The following SPOCK1 variants were observed in gnomAD, a reference collection of about 807,000 sequenced individuals.
SPOCK1 encodes testican-1.
In SPOCK1, 23 loss-of-function variants were observed where a neutral mutation model predicts 55.3. That is an observed-to-expected ratio of 0.42 (90% CI 0.30 to 0.59). The LOEUF (loss-of-function observed/expected upper bound fraction) is 0.59, where lower values mean the gene tolerates loss of function less well. SPOCK1 is among the 20% of genes least tolerant of loss of function. The probability of loss-of-function intolerance (pLI) is 0.22; values close to 1 mark genes in which losing one functional copy is unlikely to be tolerated. For synonymous variants in SPOCK1, 226 were observed against 221.0 expected (o/e 1.02, Z -0.20); for missense variants, 499 against 552.5 (o/e 0.90, Z 0.97).
At chr5:137,012,478 A>G (rs771659949) in intron 6 of SPOCK1, among the ~76,000 whole-genome samples, 60 of 152,144 alleles carry the variant, frequency 3.9e-4, no homozygotes, top group Non-Finnish European at 7.8e-4. Context: ...ATTAATTCTC[A>G]CAACTCTTTG....
intron 3 of SPOCK1, among the ~76,000 whole-genome samples, chr5:137,210,839 A>T (rs1755597161): frequency 6.6e-6 from 1 of 152,214 alleles, no homozygotes; most frequent in Non-Finnish European, 1.5e-5. Context: ...AGATATCTAG[A>T]CCCAAAATTG....
chr5:137,246,243 C>T (rs1756393254), intron 3 of SPOCK1, among the ~76,000 whole-genome samples: 1 of 152,200 alleles, frequency 6.6e-6, no homozygotes, highest in Non-Finnish European at 1.5e-5. Context: ...TTAATTACCT[C>T]TGAGATTCAG....
At chr5:137,206,616 G>A (rs1325442127) in intron 3 of SPOCK1, among the ~76,000 whole-genome samples, 1 of 152,176 alleles carries the variant, frequency 6.6e-6, no homozygotes, top group African/African-American at 2.4e-5. Context: ...GCTCCTTAGG[G>A]CTCCTGTGAG....
Position 137,362,828 on chromosome 5 carries a change from G to A in SPOCK1, c.187-95773C>T, listed in dbSNP as rs556632566. Reference sequence around the variant, plus strand: ...GCCTGAGGGCCACAGTTTGCAACCCGTGGCTTAACATGGGCAGGCATTGTA... The same window carrying A: ...GCCTGAGGGCCACAGTTTGCAACCCATGGCTTAACATGGGCAGGCATTGTA... On this transcript the variant is annotated intron_variant, in intron 2 of 10. Transcript: ENST00000394945. Among the ~76,000 whole-genome samples the A allele has an allele frequency of 2.6e-4, 39 of 152,318 alleles. 2 individuals are homozygous for A. The highest frequency in any genetic ancestry group is 3.4e-3 in the Middle Eastern group (1 of 294).
chr5:137,049,393 A>G (rs1382313412), intron 6 of SPOCK1, among the ~76,000 whole-genome samples: 1 of 121,846 alleles, frequency 8.2e-6, no homozygotes, highest in Non-Finnish European at 1.7e-5. Context: ...CATTCATTTC[A>G]TCTTCCATTG....
intron 6 of SPOCK1, among the ~76,000 whole-genome samples, chr5:137,010,282 C>T (rs899691585): frequency 2.0e-5 from 3 of 152,010 alleles, no homozygotes; most frequent in East Asian, 1.9e-4. Context: ...TAAGTGAAAA[C>T]GCTGCTCCAA....
intron 2 of SPOCK1, among the ~76,000 whole-genome samples, chr5:137,406,362 C>A (rs1037384662): frequency 1.3e-5 from 2 of 152,306 alleles, no homozygotes; most frequent in East Asian, 3.9e-4. Context: ...AGCAGTAAGG[C>A]CAGGCAGGAG....
In SPOCK1 at chr5:136,992,487, C is replaced by T. The variant is rs1371768108; in HGVS notation, c.703G>A (p.Gly235Ser). 6.2e-7 allele frequency: 1 copy of T among 1,610,584 alleles called. No individual in the cohort carries two copies. The highest frequency in any genetic ancestry group is 8.5e-7 in the Non-Finnish European group (1 of 1,178,216). Residue 235 changes from glycine (G) to serine (S), a missense_variant, in exon 7 of 11, where the codon GGC (glycine) becomes AGC (serine). Gly to Ser is a moderately conservative substitution (Grantham distance 56). Coordinates refer to ENST00000394945, the MANE Select transcript of SPOCK1 (RefSeq NM_004598.4). ...GTGATATTTAAAATGGTCTTACTGC[C>T]TTGGGCTGTGTTGGAGCTGGTGGGC... Reference protein sequence around the residue: ...IKPTSSNTAQGRFDTSILPIC... With the variant: ...IKPTSSNTAQSRFDTSILPIC...
intron 2 of SPOCK1, among the ~76,000 whole-genome samples, chr5:137,449,886 C>CAA (rs562723108): frequency 3.8e-5 from 2 of 52,910 alleles, no homozygotes; most frequent in Non-Finnish European, 6.4e-5. Flanking sequence ...GATGCTGTCT[C>CAA]AAAAAAAAAA....
At chr5:137,268,346 C>G (rs1027899682) in intron 2 of SPOCK1, among the ~76,000 whole-genome samples, 22 of 152,150 alleles carry the variant, frequency 1.4e-4, no homozygotes, top group African/African-American at 4.8e-4. Flanking sequence ...TTTTTAGTTT[C>G]AAAGAATTGC....
chr5:137,289,496 T>C (rs1354449146), intron 2 of SPOCK1, among the ~76,000 whole-genome samples: 3 of 151,978 alleles, frequency 2.0e-5, no homozygotes, highest in African/African-American at 7.3e-5. Flanking sequence ...TGGGAGAAAG[T>C]GGTACTTTTT....
chr5:137,006,031 TTCTGAA>T (rs1424007133), intron 6 of SPOCK1, among the ~76,000 whole-genome samples: 5 of 152,202 alleles, frequency 3.3e-5, no homozygotes, highest in Non-Finnish European at 7.3e-5. Flanking sequence ...GTGGTGTTAT[TTCTGAA>T]GCCTCTGTTC....
chr5:137,065,821 G>T lies in SPOCK1; in HGVS notation c.589+1894C>A, dbSNP rs1293976778. On this transcript the variant is annotated intron_variant, in intron 6 of 10. Coordinates refer to ENST00000394945, the MANE Select transcript of SPOCK1 (RefSeq NM_004598.4). ...TTTCAGAATTCAGGAACAACACTTT[G>T]TCTGAGTCTCTTTACTTTTAATGGC... 3.3e-5 allele frequency among the ~76,000 whole-genome samples: 5 copies of T among 152,122 alleles called. No homozygotes were observed. In the East Asian group the frequency reaches 9.6e-4, roughly 29 times the overall value.
chr5:137,341,702 T>C (rs896560032), intron 2 of SPOCK1, among the ~76,000 whole-genome samples: 1 of 152,202 alleles, frequency 6.6e-6, no homozygotes, highest in Non-Finnish European at 1.5e-5. Context: ...GATACAGCCC[T>C]GGCCCTCTTG....
intron 6 of SPOCK1, among the ~76,000 whole-genome samples, chr5:137,028,982 A>G (rs1751728791): frequency 6.6e-6 from 1 of 152,140 alleles, no homozygotes; most frequent in South Asian, 2.1e-4. Context: ...AAGGTCATCA[A>G]GCTATTTTAG....
chr5:137,045,192 A>C (rs1429457564), intron 6 of SPOCK1, among the ~76,000 whole-genome samples: 3 of 148,876 alleles, frequency 2.0e-5, no homozygotes, highest in Non-Finnish European at 3.0e-5. Flanking sequence ...TGGTATTTCT[A>C]GTTCTAGATC....
intron 2 of SPOCK1, among the ~76,000 whole-genome samples, chr5:137,329,336 G>A (rs950555623): frequency 6.6e-6 from 1 of 151,938 alleles, no homozygotes; most frequent in Non-Finnish European, 1.5e-5. Context: ...ATAGTCACAT[G>A]AGCCACTTCC....
chr5:137,211,313 T>C (rs1195380079), intron 3 of SPOCK1, among the ~76,000 whole-genome samples: 1 of 152,170 alleles, frequency 6.6e-6, no homozygotes, highest in Non-Finnish European at 1.5e-5. Context: ...AGTCTTTAAG[T>C]ACCTGTGAGG....
In SPOCK1 at chr5:137,327,756, G is replaced by A. The variant is rs115999792; in HGVS notation, c.187-60701C>T. Among the ~76,000 whole-genome samples the A allele has an allele frequency of 3.8e-3, 576 of 152,254 alleles. 10 individuals carry two copies. The highest frequency in any genetic ancestry group is 0.014 in the Middle Eastern group (4 of 294). Reference sequence around the variant, plus strand: ...ATAAAAACACATAGCTCTTAGAGTCGCGGTGAAGAAAATGAACCAAAATCA... The same window carrying A: ...ATAAAAACACATAGCTCTTAGAGTCACGGTGAAGAAAATGAACCAAAATCA... On this transcript the variant is annotated intron_variant, in intron 2 of 10. Coordinates refer to ENST00000394945, the MANE Select transcript of SPOCK1 (RefSeq NM_004598.4).
Sources: allele counts gnomAD v4.1 joint callset (sites outside exome capture counted in the v4.1 genomes callset), GRCh38; gene constraint gnomAD v4.1.1; transcripts MANE v1.5; gene names NCBI Gene and HGNC (gene_info 2026-07-23, HGNC 2026-07-21).